Variants in USP37 observed in about 807,000 individuals in gnomAD.
USP37 encodes the protein ubiquitin specific peptidase 37.
In USP37, 27 loss-of-function variants were observed where a neutral mutation model predicts 124.0. The observed-to-expected ratio is 0.22, with a 90% CI of 0.16 to 0.30. The LOEUF is 0.30. USP37 is among the 10% of genes least tolerant of loss of function. The probability of loss-of-function intolerance (pLI) is 1.00; values close to 1 mark genes in which losing one functional copy is unlikely to be tolerated. For missense variants in USP37, 889 were observed against 1,140.4 expected, an observed-to-expected ratio of 0.78 and a Z score of 3.17; for synonymous variants, 365 against 388.0, an observed-to-expected ratio of 0.94 and a Z score of 0.70.
At chr2:218,562,389 C>G (rs1559234138) in intron 2 of USP37, among the ~76,000 whole-genome samples, 1 of 152,170 alleles carries the variant, frequency 6.6e-6, no homozygotes, top group South Asian at 2.1e-4. Flanking sequence ...GATTCTTTCT[C>G]TAAATTTCTT....
chr2:218,496,095 A>G (rs980673463), intron 13 of USP37, 145 bp from the exon 14 acceptor site: 1 of 701,984 alleles, frequency 1.4e-6, no homozygotes, highest in African/African-American at 1.9e-5. Flanking sequence ...GGAGTTCGAG[A>G]CCAGCCCGGC....
intron 10 of USP37, among the ~76,000 whole-genome samples, chr2:218,511,522 C>A (rs1316968745): frequency 6.6e-6 from 1 of 152,084 alleles, no homozygotes; most frequent in Non-Finnish European, 1.5e-5. Context: ...GTTAGCCAGG[C>A]TGGTCTCGAA....
intron 3 of USP37, 103 bp from the exon 4 acceptor site, chr2:218,558,780 T>G (rs1188466205): frequency 3.6e-6 from 3 of 843,736 alleles, no homozygotes; most frequent in Non-Finnish European, 5.4e-6. Context: ...CACCATGCAT[T>G]TCTTCTGCGC....
At chr2:218,542,099 T>C (rs1692008189) in intron 8 of USP37, among the ~76,000 whole-genome samples, 1 of 152,208 alleles carries the variant, frequency 6.6e-6, no homozygotes, top group Non-Finnish European at 1.5e-5. Context: ...AGACGAAGCC[T>C]ATTCTCTGTG....
At chr2:218,494,674 T>C (rs1220131631) in intron 14 of USP37, among the ~76,000 whole-genome samples, 1 of 152,178 alleles carries the variant, frequency 6.6e-6, no homozygotes, top group Non-Finnish European at 1.5e-5. Flanking sequence ...TTCTCTCTTA[T>C]ATAGAGACTG....
chr2:218,455,327 C>A (rs1045151111), intron 25 of USP37, among the ~76,000 whole-genome samples: 1 of 152,138 alleles, frequency 6.6e-6, no homozygotes, highest in Non-Finnish European at 1.5e-5. Context: ...CATCTTCTAT[C>A]ATAAAACAAA....
intron 6 of USP37, among the ~76,000 whole-genome samples, chr2:218,547,797 G>A (rs892720334): frequency 6.6e-6 from 1 of 152,142 alleles, no homozygotes; most frequent in African/African-American, 2.4e-5. Context: ...ATAGGGAAAA[G>A]GAAGGTGAGA....
intron 8 of USP37, among the ~76,000 whole-genome samples, chr2:218,544,087 A>G (rs894943718): frequency 6.6e-6 from 1 of 152,028 alleles, no homozygotes. Flanking sequence ...ATTAAAAAGT[A>G]TATTAAAACA....
At chr2:218,470,143 A>C (rs372434358) in intron 20 of USP37, among the ~76,000 whole-genome samples, 16 of 152,214 alleles carry the variant, frequency 1.1e-4, no homozygotes, top group East Asian at 5.8e-4. Context: ...CTTCCACTGA[A>C]TATACTGTTT....
At chr2:218,463,670 G>A (rs1315902919) in intron 21 of USP37, among the ~76,000 whole-genome samples, 2 of 151,056 alleles carry the variant, frequency 1.3e-5, no homozygotes, top group Non-Finnish European at 2.9e-5. Context: ...CAAGTAGCTG[G>A]GACTACAGGC....
chr2:218,556,620 T>C (rs1692997501), intron 4 of USP37, among the ~76,000 whole-genome samples: 1 of 149,342 alleles, frequency 6.7e-6, no homozygotes, highest in Admixed American at 6.7e-5. Context: ...TTCAAGCTAT[T>C]CTCCTGCTTC....
chr2:218,527,650 T>G (rs188730136), intron 10 of USP37, among the ~76,000 whole-genome samples: 1 of 152,222 alleles, frequency 6.6e-6, no homozygotes, highest in African/African-American at 2.4e-5. Flanking sequence ...TTGAGAAGAA[T>G]TTTGTATGTA....
chr2:218,512,499 C>T (rs1340327938), intron 10 of USP37, among the ~76,000 whole-genome samples: 4 of 151,650 alleles, frequency 2.6e-5, no homozygotes, highest in Non-Finnish European at 4.4e-5. Flanking sequence ...CAGAGAGAGA[C>T]GCTGTCTCAA....
chr2:218,508,111 G>C (rs1026411287), intron 11 of USP37, among the ~76,000 whole-genome samples: 1 of 152,190 alleles, frequency 6.6e-6, no homozygotes, highest in Non-Finnish European at 1.5e-5. Context: ...GTAACTTAAA[G>C]GTGGTGGTAT....
intron 3 of USP37, among the ~76,000 whole-genome samples, chr2:218,559,309 TCAAAA>T (rs757709965): frequency 1.3e-5 from 2 of 152,044 alleles, no homozygotes; most frequent in African/African-American, 2.4e-5. Context: ...AGACACTGTC[TCAAAA>T]CAAAACAAAA....
intron 14 of USP37, among the ~76,000 whole-genome samples, chr2:218,493,860 G>A (rs939766089): frequency 6.6e-6 from 1 of 152,082 alleles, no homozygotes; most frequent in African/African-American, 2.4e-5. Context: ...ACTGCCTGTG[G>A]TCATTTTCAA....
At chr2:218,488,513 T>C in intron 14 of USP37, 92 bp from the exon 15 acceptor site, 3 of 780,092 alleles carry the variant, frequency 3.8e-6, no homozygotes, top group Non-Finnish European at 6.2e-6. Flanking sequence ...ACAGAACTTA[T>C]GGTACTGACA....
At chr2:218,539,866 C>T (rs1454051125) in intron 8 of USP37, among the ~76,000 whole-genome samples, 1 of 151,778 alleles carries the variant, frequency 6.6e-6, no homozygotes, top group South Asian at 2.1e-4. Flanking sequence ...AAAAATTAGC[C>T]GGGTGTGATG....
intron 11 of USP37, among the ~76,000 whole-genome samples, chr2:218,506,580 C>G (rs1301503942): frequency 6.7e-6 from 1 of 150,310 alleles, no homozygotes; most frequent in South Asian, 2.1e-4. Context: ...CCACCACGCC[C>G]GGCCCTTTCT....
Sources: gnomAD v4.1 joint callset for allele counts (sites outside exome capture counted in the v4.1 genomes callset) on GRCh38, gnomAD v4.1.1 for gene constraint, MANE v1.5 for transcripts, NCBI Gene and HGNC (gene_info 2026-07-23, HGNC 2026-07-21) for gene names.